The following SEMA6A variants were observed in gnomAD, a reference collection of about 807,000 sequenced individuals.
The protein encoded by SEMA6A is semaphorin 6A.
In SEMA6A, 25 loss-of-function variants were observed where a neutral mutation model predicts 96.8. The ratio of observed to expected loss-of-function variants is 0.26; its 90% CI spans 0.19 to 0.36. SEMA6A has a LOEUF of 0.36. Among genes scored for constraint, SEMA6A ranks in the 10% least tolerant of loss-of-function variants. SEMA6A has a pLI of 1.00. For missense variants in SEMA6A, 1,363 were observed against 1,323.1 expected, an observed-to-expected ratio of 1.03 and a Z score of -0.47; for synonymous variants, 612 against 518.0, an observed-to-expected ratio of 1.18 and a Z score of -2.46.
chr5:116,511,027 G>C (rs538630271), intron 1 of SEMA6A, among the ~76,000 whole-genome samples: 91 of 152,250 alleles, frequency 6.0e-4, no homozygotes, highest in African/African-American at 2.0e-3. Flanking sequence ...CTGCAATTCA[G>C]GGAGGTTAAG....
intron 18 of SEMA6A, among the ~76,000 whole-genome samples, chr5:116,457,797 T>C (rs556889880): frequency 2.6e-5 from 4 of 152,296 alleles, no homozygotes; most frequent in African/African-American, 9.6e-5. Context: ...ACATGGCTCC[T>C]TTCAGTCCCT....
Position 116,574,808 on chromosome 5 carries a change from C to A in SEMA6A, c.-662G>T, listed in dbSNP as rs1202696582. On this transcript the variant is annotated 5_prime_UTR_variant, in exon 1 of 19. Coordinates refer to ENST00000343348, the MANE Select transcript of SEMA6A (RefSeq NM_020796.5). ...AGTTGGCTGCAGCCTCACCCCGTGCCGCTCACTACTCCTCTGTCACCGGAG... is the reference window on the plus strand; with the variant it reads ...AGTTGGCTGCAGCCTCACCCCGTGCAGCTCACTACTCCTCTGTCACCGGAG... The A allele has an allele frequency of 6.6e-6, 1 of 152,382 alleles. No individual in the cohort carries two copies. The highest frequency in any genetic ancestry group is 1.5e-5 in the Non-Finnish European group (1 of 68,112). The allele number at this position is 152,382 out of a possible 1,614,324, so 9.4% of individuals were successfully genotyped here.
In SEMA6A at chr5:116,505,123, G is replaced by A. The variant is rs1023652284; in HGVS notation, c.-38-141C>T. 4.0e-5 allele frequency: 22 copies of A among 544,634 alleles called. 1 individual carries two copies. The South Asian group carries it at 5.3e-4, about 13-fold the overall frequency. 33.7% of individuals were successfully genotyped at this position (544,634 alleles called of 1,614,324 possible). A position where few individuals can be genotyped will look rare whatever the true frequency, so the allele number is the denominator to read the frequency against. ...ACATGGTAAATTCGTTGATTTTTGT[G>A]TTTGGAACTTGTACCCGTTACCTAC... On this transcript the variant is annotated intron_variant, in intron 1 of 18. Transcript: ENST00000343348.
chr5:116,488,256 T>C, intron 8 of SEMA6A, 60 bp from the exon 9 acceptor site: 1 of 1,129,240 alleles, frequency 8.9e-7, no homozygotes, highest in Non-Finnish European at 1.3e-6. Flanking sequence ...AGAATTTCAA[T>C]CAAGTGTAGC....
At chr5:116,491,631 C>G (rs1248283410) in intron 7 of SEMA6A, 109 bp downstream of exon 7, 2 of 803,716 alleles carry the variant, frequency 2.5e-6, no homozygotes, top group Non-Finnish European at 4.3e-6. Context: ...CAGTATTCAC[C>G]AGAGAATCAA....
intron 10 of SEMA6A, among the ~76,000 whole-genome samples, chr5:116,486,346 T>A (rs545686197): frequency 6.6e-6 from 1 of 152,306 alleles, no homozygotes; most frequent in East Asian, 1.9e-4. Context: ...GGACGAACAT[T>A]CTTGAGTTCC....
At chr5:116,532,309 A>G (rs1346519715) in intron 1 of SEMA6A, among the ~76,000 whole-genome samples, 1 of 152,176 alleles carries the variant, frequency 6.6e-6, no homozygotes, top group Non-Finnish European at 1.5e-5. Flanking sequence ...GGCCTTCGGT[A>G]TAGAAAGTGG....
intron 18 of SEMA6A, among the ~76,000 whole-genome samples, chr5:116,448,298 T>C (rs1489826763): frequency 6.6e-6 from 1 of 151,466 alleles, no homozygotes; most frequent in African/African-American, 2.4e-5. Context: ...TGAAGGGAGA[T>C]CAGGCCACTG....
At chr5:116,520,255 C>CTTT (rs60534452) in intron 1 of SEMA6A, among the ~76,000 whole-genome samples, 1 of 135,376 alleles carries the variant, frequency 7.4e-6, no homozygotes, top group Non-Finnish European at 1.6e-5. Context: ...CAGCCTGATG[C>CTTT]TTTTTTTTTT....
At chr5:116,565,500 C>T (rs1157907742) in intron 1 of SEMA6A, among the ~76,000 whole-genome samples, 1 of 152,192 alleles carries the variant, frequency 6.6e-6, no homozygotes, top group East Asian at 1.9e-4. Context: ...GAATCCGTCT[C>T]GAAAACCATT....
At chr5:116,544,252 G>T (rs1760093753) in intron 1 of SEMA6A, among the ~76,000 whole-genome samples, 1 of 151,992 alleles carries the variant, frequency 6.6e-6, no homozygotes, top group Non-Finnish European at 1.5e-5. Context: ...GAGGTCTCCT[G>T]AGGTCTCCCA....
intron 6 of SEMA6A, among the ~76,000 whole-genome samples, chr5:116,494,561 C>T (rs1757488224): frequency 1.3e-5 from 2 of 152,276 alleles, no homozygotes; most frequent in East Asian, 1.9e-4. Context: ...TCATGCATGG[C>T]AGGAACTTTT....
intron 7 of SEMA6A, among the ~76,000 whole-genome samples, chr5:116,489,876 A>C (rs1580427876): frequency 6.6e-6 from 1 of 152,312 alleles, no homozygotes; most frequent in East Asian, 1.9e-4. Flanking sequence ...AGAATAGCAA[A>C]ATCTATGTTG....
chr5:116,512,021 A>G (rs186114194), intron 1 of SEMA6A, among the ~76,000 whole-genome samples: 2 of 152,344 alleles, frequency 1.3e-5, no homozygotes, highest in Admixed American at 1.3e-4. Flanking sequence ...CCTGCTTCAC[A>G]GAGGCTGGAA....
At chr5:116,454,792 G>GTGTA (rs775504409) in intron 18 of SEMA6A, among the ~76,000 whole-genome samples, 1 of 47,012 alleles carries the variant, frequency 2.1e-5, no homozygotes, top group Non-Finnish European at 3.7e-5. Flanking sequence ...TCCTTTAAGT[G>GTGTA]TGTGTGTGTG....
intron 1 of SEMA6A, among the ~76,000 whole-genome samples, chr5:116,558,063 CCAAA>C (rs543100758): frequency 1.9e-4 from 29 of 152,262 alleles, no homozygotes; most frequent in East Asian, 5.8e-4. Context: ...AATAAGACAT[CCAAA>C]CAAACAGTTT....
At chr5:116,566,562 G>A (rs1761036009) in intron 1 of SEMA6A, among the ~76,000 whole-genome samples, 1 of 152,082 alleles carries the variant, frequency 6.6e-6, no homozygotes, top group African/African-American at 2.4e-5. Flanking sequence ...TTATTTCCTA[G>A]TTGAAAATAA....
At chr5:116,519,498 C>T (rs1330097114) in intron 1 of SEMA6A, among the ~76,000 whole-genome samples, 2 of 152,136 alleles carry the variant, frequency 1.3e-5, no homozygotes, top group East Asian at 1.9e-4. Context: ...ATTCACTCAT[C>T]GAATTCAGTC....
Position 116,496,277 on chromosome 5 carries a change from T to A in SEMA6A, c.316A>T (p.Thr106Ser). ...TTATGTTTTCCCTTCATTCTGCATG[T>A]GTCTACATCGGCCTGTCTAGATTTC... ...TWKSRQADVDTCRMKGKHKDE... is the reference protein window; with the variant it reads ...TWKSRQADVDSCRMKGKHKDE... The change falls in exon 5 of 19, where the codon ACA becomes TCA. Residue 106 changes from threonine to serine, a missense_variant. Around this residue, in one of 2 missense-constraint regions of SEMA6A, gnomAD observed 480 missense variants for 559.5 expected, o/e 0.86. Transcript: ENST00000343348. 2 of 1,613,712 alleles carry A rather than the reference T, an allele frequency of 1.2e-6. No homozygotes were observed. The highest frequency in any genetic ancestry group is 1.7e-6 in the Non-Finnish European group (2 of 1,179,774).
Sources: allele counts gnomAD v4.1 joint callset (sites outside exome capture counted in the v4.1 genomes callset), GRCh38; gene constraint gnomAD v4.1.1; regional missense constraint gnomAD v4.1.1; transcripts MANE v1.5; gene names NCBI Gene and HGNC (gene_info 2026-07-23, HGNC 2026-07-21).